Variants in SMCO2 observed in about 807,000 individuals in gnomAD.
SMCO2 encodes single-pass membrane and coiled-coil domain-containing protein 2.
Under a neutral mutation model 29.5 loss-of-function variants are expected in SMCO2, and 25 were observed. The ratio of observed to expected loss-of-function variants is 0.85; its 90% confidence interval spans 0.62 to 1.18. SMCO2 has a LOEUF of 1.18. SMCO2 is among the 50% of genes most tolerant of loss of function. The pLI is 0.00. For synonymous variants in SMCO2, 117 were observed against 123.3 expected (o/e 0.95, Z 0.34); for missense variants, 348 against 344.5 (o/e 1.01, Z -0.08).
chr12:27,448,944 A>T, the SMCO2 span, among the ~76,000 whole-genome samples: 65 of 152,286 alleles, frequency 4.3e-4, no homozygotes, highest in Middle Eastern at 3.4e-3. Flanking sequence ...TAAAAGACAG[A>T]AGGACTTTGA....
At chr12:27,489,423 T>C (rs1444200448) in intron 5 of SMCO2, among the ~76,000 whole-genome samples, 1 of 152,136 alleles carries the variant, frequency 6.6e-6, no homozygotes, top group Non-Finnish European at 1.5e-5. Context: ...ACAAGTTAGA[T>C]TTCGGAGTCC....
At chr12:27,479,167 G>C (rs1263164661) in intron 4 of SMCO2, among the ~76,000 whole-genome samples, 2 of 152,208 alleles carry the variant, frequency 1.3e-5, no homozygotes, top group African/African-American at 4.8e-5. Context: ...AAGTGGGATG[G>C]GCCTGTCATC....
At chr12:27,478,289 G>A (rs895033537) in intron 4 of SMCO2, among the ~76,000 whole-genome samples, 2 of 152,188 alleles carry the variant, frequency 1.3e-5, no homozygotes, top group African/African-American at 4.8e-5. Flanking sequence ...GTCCTCAAGT[G>A]CTAGTGGTGG....
intron 4 of SMCO2, among the ~76,000 whole-genome samples, chr12:27,484,847 A>G (rs621352): frequency 0.23 from 17,725 of 77,362 alleles, 2,235 homozygotes; most frequent in African/African-American, 0.43. Flanking sequence ...GTAAGACTCC[A>G]TCTCAAAAAA....
chr12:27,465,755 A>C (rs1260906715), upstream of SMCO2, among the ~76,000 whole-genome samples: 2 of 152,240 alleles, frequency 1.3e-5, no homozygotes, highest in African/African-American at 4.8e-5. Context: ...CCAATTTTTC[A>C]GACAAAGAGA....
chr12:27,479,499 A>T (rs1297460478), intron 4 of SMCO2, among the ~76,000 whole-genome samples: 1 of 152,208 alleles, frequency 6.6e-6, no homozygotes, highest in Non-Finnish European at 1.5e-5. Flanking sequence ...AATAGGATAT[A>T]TCCATATCGA....
At chr12:27,464,368 A>G (rs545019762), upstream of SMCO2, among the ~76,000 whole-genome samples, 173 of 152,182 alleles carry the variant, frequency 1.1e-3, 1 homozygote, top group African/African-American at 4.0e-3. Flanking sequence ...GGAGCTGAGG[A>G]AGACAGAAAC....
intron 4 of SMCO2, among the ~76,000 whole-genome samples, chr12:27,478,549 G>A (rs1036142425): frequency 1.3e-5 from 2 of 152,220 alleles, no homozygotes; most frequent in Non-Finnish European, 2.9e-5. Context: ...AGCAGTGATG[G>A]CAGTGAGCTG....
intron 5 of SMCO2, among the ~76,000 whole-genome samples, chr12:27,489,498 C>T (rs1367412540): frequency 6.6e-6 from 1 of 152,130 alleles, no homozygotes; most frequent in Admixed American, 6.6e-5. Flanking sequence ...TGTCTAACAA[C>T]CTCTTTTAAC....
intron 7 of SMCO2, among the ~76,000 whole-genome samples, chr12:27,501,437 A>T: frequency 7.9e-6 from 1 of 126,862 alleles, no homozygotes; most frequent in East Asian, 2.4e-4. Flanking sequence ...AAAAAAAAAA[A>T]CAAACAAACA....
chr12:27,440,440 G>A, the SMCO2 span, among the ~76,000 whole-genome samples: 3 of 152,254 alleles, frequency 2.0e-5, no homozygotes, highest in South Asian at 2.1e-4. Context: ...AATTAAATAC[G>A]CAGACAAACC....
exon 8 of SMCO2, chr12:27,501,956 T>G: frequency 3.2e-6 from 5 of 1,544,842 alleles, no homozygotes; most frequent in Non-Finnish European, 4.4e-6. Flanking sequence ...TCATGTTTGA[T>G]GTCCTCACCG....
chr12:27,446,818 C>T, the SMCO2 span, among the ~76,000 whole-genome samples: 1 of 152,126 alleles, frequency 6.6e-6, no homozygotes, highest in Admixed American at 6.5e-5. Context: ...CCCGGAGTTC[C>T]TGATTCAGTA....
At chr12:27,433,329 T>C in the SMCO2 span, among the ~76,000 whole-genome samples, 66 of 152,260 alleles carry the variant, frequency 4.3e-4, no homozygotes, top group South Asian at 0.012. Context: ...TTGACTAATA[T>C]TATCTGTGGC....
At chr12:27,490,172 G>A (rs944185878) in intron 5 of SMCO2, among the ~76,000 whole-genome samples, 12 of 152,168 alleles carry the variant, frequency 7.9e-5, no homozygotes, top group African/African-American at 2.9e-4. Flanking sequence ...ATACTACTCA[G>A]CAATAAAAAG....
chr12:27,456,147 A>G, the SMCO2 span, among the ~76,000 whole-genome samples: 1 of 152,224 alleles, frequency 6.6e-6, no homozygotes, highest in Non-Finnish European at 1.5e-5. Flanking sequence ...CCCGGGAGGC[A>G]GAGGTTGCGG....
Position 27,498,146 on chromosome 12 carries a change from C to T in SMCO2, c.683+2291C>T, listed in dbSNP as rs138978695. On this transcript the variant is annotated intron_variant, in intron 7 of 7. Coordinates refer to ENST00000298876, the Ensembl canonical transcript of SMCO2. ...CAAATAAACTGAACTTTCCCATAAC[C>T]GGTTGAGTGACAACATCTTCTCGTT... 6.3e-4 allele frequency: 229 copies of T among 361,420 alleles called. 14 individuals carry two copies. Among genetic ancestry groups the T allele is most frequent in the African/African-American group, 4.6e-3 (209 of 45,192 alleles). 22.4% of individuals were successfully genotyped at this position (361,420 alleles called of 1,614,324 possible).
At chr12:27,440,808 A>C in the SMCO2 span, among the ~76,000 whole-genome samples, 1 of 152,194 alleles carries the variant, frequency 6.6e-6, no homozygotes, top group Non-Finnish European at 1.5e-5. Flanking sequence ...TAAAAATAAA[A>C]AGCAACAATT....
chr12:27,484,123 G>T (rs147718520), intron 4 of SMCO2, among the ~76,000 whole-genome samples: 1 of 152,152 alleles, frequency 6.6e-6, no homozygotes, highest in Non-Finnish European at 1.5e-5. Context: ...AGGCATGGTG[G>T]CTCACACCTG....
Sources: gnomAD v4.1 joint callset for allele counts (sites outside exome capture counted in the v4.1 genomes callset) on GRCh38, gnomAD v4.1.1 for gene constraint, MANE v1.5 for transcripts, NCBI Gene and HGNC (gene_info 2026-07-23, HGNC 2026-07-21) for gene names.